FMN1: variants seen among roughly 807,000 people sequenced by gnomAD.
FMN1 encodes formin-1.
Under a neutral mutation model 132.4 loss-of-function variants are expected in FMN1, and 110 were observed. That is an observed-to-expected ratio of 0.83 (90% CI 0.71 to 0.97). FMN1 has a LOEUF of 0.97. Ranked by LOEUF, FMN1 falls within the 50% of genes least tolerant of loss-of-function variation. The pLI, the probability that FMN1 is intolerant of heterozygous loss-of-function variation, is 0.00. For synonymous variants in FMN1, 722 were observed against 651.7 expected (o/e 1.11, Z -1.64); for missense variants, 1,792 against 1,705.3 (o/e 1.05, Z -0.90).
chr15:33,053,129 C>G (rs1330137600), intron 6 of FMN1, among the ~76,000 whole-genome samples: 1 of 152,220 alleles, frequency 6.6e-6, no homozygotes, highest in African/African-American at 2.4e-5. Context: ...TTGGGACCCA[C>G]TGAGTGCAGG....
intron 10 of FMN1, among the ~76,000 whole-genome samples, chr15:32,912,665 T>C (rs930375325): frequency 6.6e-6 from 1 of 152,122 alleles, no homozygotes; most frequent in Non-Finnish European, 1.5e-5. Flanking sequence ...TGTGGCTATC[T>C]TGGAGAATAA....
intron 16 of FMN1, among the ~76,000 whole-genome samples, chr15:32,881,920 G>A (rs1460068222): frequency 6.6e-6 from 1 of 152,186 alleles, no homozygotes; most frequent in Non-Finnish European, 1.5e-5. Flanking sequence ...TGGCCCTTTA[G>A]TCCTCTGCTA....
chr15:33,028,820 TTAACTC>T (rs1256150067), intron 6 of FMN1, among the ~76,000 whole-genome samples: 1 of 152,198 alleles, frequency 6.6e-6, no homozygotes, highest in Non-Finnish European at 1.5e-5. Context: ...AAACTCTTGA[TTAACTC>T]TAATACAGAA....
chr15:32,874,933 C>G (rs2059603918), intron 16 of FMN1, among the ~76,000 whole-genome samples: 1 of 152,140 alleles, frequency 6.6e-6, no homozygotes, highest in Non-Finnish European at 1.5e-5. Flanking sequence ...CAAATTAGCA[C>G]TGTTAGTACA....
intron 5 of FMN1, chr15:33,067,133 G>C: frequency 1.9e-6 from 3 of 1,613,938 alleles, no homozygotes; most frequent in Non-Finnish European, 1.7e-6. Context: ...ACCAACACTC[G>C]AATTCTGGTT....
At chr15:33,091,316 T>A (rs2038895519) in intron 4 of FMN1, among the ~76,000 whole-genome samples, 1 of 152,128 alleles carries the variant, frequency 6.6e-6, no homozygotes, top group Non-Finnish European at 1.5e-5. Flanking sequence ...TGCAAACCCC[T>A]CACACACCTG....
chr15:32,897,680 G>C (rs1013278074), intron 15 of FMN1, among the ~76,000 whole-genome samples: 2 of 152,150 alleles, frequency 1.3e-5, no homozygotes, highest in African/African-American at 4.8e-5. Flanking sequence ...CTTCTGTTTT[G>C]AGTAGAAAAG....
chr15:32,814,099 G>GT (rs564417291), intron 17 of FMN1, among the ~76,000 whole-genome samples: 140 of 152,238 alleles, frequency 9.2e-4, no homozygotes, highest in African/African-American at 3.2e-3. Flanking sequence ...GAATGATCTG[G>GT]TGAGAGACTC....
chr15:33,081,142 C>T (rs767182331), intron 5 of FMN1, among the ~76,000 whole-genome samples: 3 of 152,174 alleles, frequency 2.0e-5, no homozygotes, highest in Non-Finnish European at 4.4e-5. Context: ...CGCTTGGAAA[C>T]TTGAAGTGGT....
chr15:32,974,331 T>TCC (rs1260002142), intron 7 of FMN1, among the ~76,000 whole-genome samples: 3 of 152,184 alleles, frequency 2.0e-5, no homozygotes, highest in Admixed American at 2.0e-4. Context: ...TTACCTACCT[T>TCC]CCTTTACTCT....
chr15:33,007,236 AGATT>A (rs774607892), intron 7 of FMN1, among the ~76,000 whole-genome samples: 5 of 152,212 alleles, frequency 3.3e-5, no homozygotes, highest in Non-Finnish European at 7.3e-5. Context: ...TCTGATCCAC[AGATT>A]GATTAAATTA....
Position 33,086,995 on chromosome 15 carries a change from A to C in FMN1, c.2043+1804T>G, listed in dbSNP as rs1241020570. Among the ~76,000 whole-genome samples, 3 of 152,258 alleles carry C rather than the reference A, an allele frequency of 2.0e-5. No individual in the cohort carries two copies. In the East Asian group the frequency reaches 5.8e-4, roughly 29 times the overall value. On this transcript the variant is annotated intron_variant, in intron 5 of 20. Transcript: ENST00000616417. ...GTCAAAAACATGGTTCCAGGTCTGA[A>C]AGTAATGAGCCGGAGAACACAAGGT...
intron 19 of FMN1, among the ~76,000 whole-genome samples, chr15:32,785,161 CGTGTGTGTGT>C (rs1178285469): frequency 0.099 from 5,080 of 51,424 alleles, 510 homozygotes; most frequent in Non-Finnish European, 0.12. Flanking sequence ...TGTATACGTA[CGTGTGTGTGT>C]GTGTGTGTGT....
intron 6 of FMN1, among the ~76,000 whole-genome samples, chr15:33,019,770 T>A (rs1367545892): frequency 6.6e-6 from 1 of 151,966 alleles, no homozygotes; most frequent in East Asian, 1.9e-4. Context: ...CCACTCGGAG[T>A]GCGGGGCCCG....
intron 9 of FMN1, among the ~76,000 whole-genome samples, chr15:32,958,586 ATACATGCT>A (rs912000321): frequency 1.3e-5 from 2 of 149,796 alleles, no homozygotes; most frequent in African/African-American, 5.0e-5. Context: ...ACATACATAC[ATACATGCT>A]TAAACAAGTG....
At chr15:32,951,984 G>A (rs1306203439) in intron 9 of FMN1, among the ~76,000 whole-genome samples, 1 of 152,174 alleles carries the variant, frequency 6.6e-6, no homozygotes, top group Non-Finnish European at 1.5e-5. Context: ...GCTTCCTATG[G>A]CTCTGAGGCA....
At chr15:33,042,468 G>A (rs1249207028) in intron 6 of FMN1, among the ~76,000 whole-genome samples, 4 of 152,120 alleles carry the variant, frequency 2.6e-5, no homozygotes, top group Non-Finnish European at 5.9e-5. Flanking sequence ...GAGGTAATCT[G>A]AATGATCAGA....
chr15:33,099,972 C>T (rs904606759), intron 4 of FMN1, among the ~76,000 whole-genome samples: 20 of 152,060 alleles, frequency 1.3e-4, no homozygotes, highest in African/African-American at 4.6e-4. Flanking sequence ...AAATCATTTG[C>T]ATAACTTTTG....
chr15:33,018,607 T>C lies in FMN1; in HGVS notation c.2162-10532A>G, dbSNP rs75441714. 1.2e-3 allele frequency among the ~76,000 whole-genome samples: 187 copies of C among 152,312 alleles called. 2 individuals are homozygous for C. The East Asian group carries it at 0.028, about 23-fold the overall frequency. On this transcript the variant is annotated intron_variant, in intron 6 of 20. Transcript: ENST00000616417. ...ACGGCCCTTCCCCCGTACCTTGTCC[T>C]ATGCATCTCTTCATCTGTATCCTTT... is the stretch of plus-strand genomic sequence containing the variant.
Sources: gnomAD v4.1 joint callset for allele counts (sites outside exome capture counted in the v4.1 genomes callset) on GRCh38, gnomAD v4.1.1 for gene constraint, MANE v1.5 for transcripts, NCBI Gene and HGNC (gene_info 2026-07-23, HGNC 2026-07-21) for gene names.